Variants in C10orf90 observed in about 807,000 individuals in gnomAD.
The protein encoded by C10orf90 is chromosome 10 open reading frame 90, also known as (E2-independent) E3 ubiquitin-conjugating enzyme FATS.
A neutral mutation model predicts 62.5 loss-of-function variants in C10orf90; 56 were observed. That is an observed-to-expected ratio of 0.90 (90% confidence interval 0.72 to 1.12). The LOEUF is 1.12. Ranked by LOEUF, C10orf90 falls within the 50% of genes most tolerant of loss-of-function variation. The pLI, the probability that C10orf90 is intolerant of heterozygous loss-of-function variation, is 0.00. For synonymous variants in C10orf90, 386 were observed against 340.4 expected, an observed-to-expected ratio of 1.13 and a Z score of -1.47; for missense variants, 970 against 880.4, an observed-to-expected ratio of 1.10 and a Z score of -1.29.
At chr10:126,648,572 T>C (rs1252153386) in intron 1 of C10orf90, among the ~76,000 whole-genome samples, 1 of 152,216 alleles carries the variant, frequency 6.6e-6, no homozygotes, top group African/African-American at 2.4e-5. Context: ...AGACGCGCCA[T>C]GGGAAATATT....
intron 2 of C10orf90, among the ~76,000 whole-genome samples, chr10:126,602,383 G>A (rs946880523): frequency 6.6e-6 from 1 of 152,210 alleles, no homozygotes; most frequent in African/African-American, 2.4e-5. Context: ...AATATCTCAT[G>A]CCTATACAGT....
rs145342657 is a variant in C10orf90 at position 126,598,817 on chromosome 10, A to C, written c.313+47748T>G. Among the ~76,000 whole-genome samples, 593 of 152,306 alleles carry C rather than the reference A, an allele frequency of 3.9e-3. 5 individuals are homozygous for C. Among genetic ancestry groups the C allele is most frequent in the Middle Eastern group, 0.027 (8 of 294 alleles). On this transcript the variant is annotated intron_variant, in intron 2 of 9. Coordinates refer to ENST00000488181, the MANE Select transcript of C10orf90 (RefSeq NM_001350921.2). The stretch of plus-strand genomic sequence containing the variant: ...CTCTGGCATTGGGGTAAGGAGGGGA[A>C]AGGAATGGATGAAAACTAGGGAGTC...
rs778895528 is a variant in C10orf90 at position 126,504,343 on chromosome 10, T to C, written c.1148A>G (p.His383Arg). The C allele has an allele frequency of 2.5e-6, 4 of 1,614,058 alleles. No homozygotes were observed. In the African/African-American group the frequency reaches 5.3e-5, roughly 22 times the overall value. Reference sequence around the variant, plus strand: ...GAGGTTGAGCGACAGGACGGATCTGTGCATTTTGGGGCTGGCAATTTGAGG... The same window carrying C: ...GAGGTTGAGCGACAGGACGGATCTGCGCATTTTGGGGCTGGCAATTTGAGG... ...EPPQIASPKM[H>R]RSVLSLNLNC... The change falls in exon 4 of 10, where the codon CAC (histidine) becomes CGC (arginine). Residue 383 changes from histidine to arginine, a missense_variant. By Grantham distance (29) the His-to-Arg change is conservative. Transcript: ENST00000488181. The surrounding 1 kb of genome is among the most constrained non-coding windows in gnomAD (Gnocchi z 4.1).
At chr10:126,441,086 A>C (rs1228293431) in intron 7 of C10orf90, among the ~76,000 whole-genome samples, 1 of 152,230 alleles carries the variant, frequency 6.6e-6, no homozygotes, top group African/African-American at 2.4e-5. Flanking sequence ...TAAGCTAATC[A>C]AGGAGGCACC....
At chr10:126,641,557 CA>C (rs1303744071) in intron 2 of C10orf90, among the ~76,000 whole-genome samples, 2 of 152,016 alleles carry the variant, frequency 1.3e-5, no homozygotes, top group East Asian at 3.9e-4. Flanking sequence ...TCTCTATTTA[CA>C]TTTCCCCTAA....
chr10:126,448,718 C>A (rs1458617812), intron 7 of C10orf90, among the ~76,000 whole-genome samples: 1 of 151,956 alleles, frequency 6.6e-6, no homozygotes, highest in Non-Finnish European at 1.5e-5. Flanking sequence ...CACAGAAATA[C>A]AAAGAATTAT....
At position 126,578,280 on chromosome 10, in the gene C10orf90, G is replaced by A. The variant is rs192715320; in HGVS notation, c.314-64341C>T. ...TCCAGAGTACATAAAGAACTCTCGC[G>A]AATTAGTAATAAAAAGACAAACAAC... On this transcript the variant is annotated intron_variant, in intron 2 of 9. Transcript: ENST00000488181. 2.3e-3 allele frequency among the ~76,000 whole-genome samples: 355 copies of A among 151,428 alleles called. 4 individuals are homozygous for A. The highest frequency in any genetic ancestry group is 8.1e-4 in the Non-Finnish European group (55 of 67,982).
intron 4 of C10orf90, among the ~76,000 whole-genome samples, chr10:126,468,502 A>C (rs983627509): frequency 3.3e-5 from 5 of 152,186 alleles, no homozygotes; most frequent in Admixed American, 3.3e-4. Context: ...GAAAGTAGCA[A>C]GGGATGAATG....
chr10:126,614,083 C>T (rs1042233921), intron 2 of C10orf90, among the ~76,000 whole-genome samples: 11 of 152,100 alleles, frequency 7.2e-5, no homozygotes, highest in Non-Finnish European at 2.9e-5. Flanking sequence ...CGTAGTGGGT[C>T]CCCAAAACAG....
At chr10:126,541,483 G>T (rs1864376199) in intron 2 of C10orf90, among the ~76,000 whole-genome samples, 1 of 152,056 alleles carries the variant, frequency 6.6e-6, no homozygotes, top group African/African-American at 2.4e-5. Flanking sequence ...ACATATCAAG[G>T]ACTCTTATAA....
At chr10:126,470,289 A>G (rs796741215) in intron 4 of C10orf90, 2 of 332,616 alleles carry the variant, frequency 6.0e-6, no homozygotes, top group South Asian at 4.8e-5. Flanking sequence ...AGGCAGTAAC[A>G]ATGGGTACTC....
rs1251741039 is a variant in C10orf90, at chr10:126,504,238, T to C, written c.1253A>G (p.Gln418Arg). The change falls in exon 4 of 10, where the codon CAG (glutamine) becomes CGG (arginine). Residue 418 changes from glutamine (Q) to arginine (R), a missense_variant. Transcript: ENST00000488181. This position sits in a 1 kb window ranked among gnomAD's most constrained non-coding sequence, Gnocchi z 4.1. ...NREPISEALK[Q>R]ELLEGDQDLV... ...GTCCTGGTCTCCCTCCAGGAGCTCC[T>C]GCTTCAGGGCTTCGCTTATTGGCTC... 1.2e-6 allele frequency: 2 copies of C among 1,614,206 alleles called. No individual in the cohort carries two copies. The highest frequency in any genetic ancestry group is 1.1e-5 in the South Asian group (1 of 91,082).
At chr10:126,588,604 CCTGA>C (rs1276291439) in intron 2 of C10orf90, among the ~76,000 whole-genome samples, 1 of 152,054 alleles carries the variant, frequency 6.6e-6, no homozygotes, top group Admixed American at 6.5e-5. Flanking sequence ...AGAAGAGTGG[CCTGA>C]CTATTAAAAG....
In C10orf90 at chr10:126,623,461, C is replaced by A. The variant is rs2804433; in HGVS notation, c.313+23104G>T. ...GGTAGTACACCCCGTTCCTTTCTAC[C>A]CTCTCACATCATTTTATTTTCCTTT... On this transcript the variant is annotated intron_variant, in intron 2 of 9. Coordinates refer to ENST00000488181, the MANE Select transcript of C10orf90 (RefSeq NM_001350921.2). Among the ~76,000 whole-genome samples, 47 of 151,930 alleles carry A rather than the reference C, an allele frequency of 3.1e-4. 2 individuals carry two copies. The highest frequency in any genetic ancestry group is 8.9e-4 in the African/African-American group (37 of 41,414).
At chr10:126,645,569 GAC>G (rs1846153525) in intron 2 of C10orf90, among the ~76,000 whole-genome samples, 1 of 148,662 alleles carries the variant, frequency 6.7e-6, no homozygotes, top group Non-Finnish European at 1.5e-5. Context: ...CAGCCTGGGT[GAC>G]AGAGTGAGAC....
At chr10:126,539,996 T>G (rs1191477904) in intron 2 of C10orf90, among the ~76,000 whole-genome samples, 1 of 152,196 alleles carries the variant, frequency 6.6e-6, no homozygotes, top group Non-Finnish European at 1.5e-5. Flanking sequence ...GAAAAGCAGT[T>G]AGAACTACTA....
intron 5 of C10orf90, 77 bp from the exon 6 acceptor site, chr10:126,461,662 A>G: frequency 1.4e-6 from 2 of 1,406,924 alleles, no homozygotes; most frequent in South Asian, 2.6e-5. Context: ...CATTAGACAC[A>G]GAAGACAATT....
chr10:126,616,240 C>T (rs1454825015), intron 2 of C10orf90, among the ~76,000 whole-genome samples: 1 of 152,188 alleles, frequency 6.6e-6, no homozygotes, highest in Non-Finnish European at 1.5e-5. Context: ...ATTTATTGAA[C>T]ATAATAATCA....
Position 126,477,670 on chromosome 10 carries a change from C to T in C10orf90, c.1535-12684G>A, listed in dbSNP as rs1860961153. 2.0e-5 allele frequency among the ~76,000 whole-genome samples: 3 copies of T among 152,282 alleles called. No homozygotes were observed. In the South Asian group the frequency reaches 6.2e-4, roughly 32 times the overall value. On this transcript the variant is annotated intron_variant, in intron 4 of 9. Transcript: ENST00000488181. Reference sequence around the variant, plus strand: ...AGTAGCTCTTTGTACAGTTTTTGCTCCATTTCCCTAAGCCTAAACATGCAA... The same window carrying T: ...AGTAGCTCTTTGTACAGTTTTTGCTTCATTTCCCTAAGCCTAAACATGCAA...
Sources: gnomAD v4.1 joint callset for allele counts (sites outside exome capture counted in the v4.1 genomes callset) on GRCh38, gnomAD v4.1.1 for gene constraint, Gnocchi (gnomAD v3.1) non-coding constraint, MANE v1.5 for transcripts, NCBI Gene and HGNC (gene_info 2026-07-23, HGNC 2026-07-21) for gene names.